Variants in ZNF593OS observed in about 807,000 individuals in gnomAD.
ZNF593OS encodes the protein transmembrane protein ZNF593OS.
rs966543869 is a variant in ZNF593OS, at chr1:26,171,005, T to C, written c.*184A>G. ...GTCTATCTCTGCCTTCCCTCTGAGG[T>C]CCTAGCATCTGAACTGGAGCACCCA... On this transcript the variant is annotated 3_prime_UTR_variant, in exon 2 of 2. Coordinates refer to ENST00000648649, the Ensembl canonical transcript of ZNF593OS. The surrounding 1 kb of genome is among the most constrained non-coding windows in gnomAD (Gnocchi z 5.5). 2 of 547,946 alleles carry C rather than the reference T, an allele frequency of 3.6e-6. No individual in the cohort carries two copies. The highest frequency in any genetic ancestry group is 3.7e-5 in the African/African-American group (2 of 53,344). 33.9% of individuals were successfully genotyped at this position (547,946 alleles called of 1,614,324 possible).
At chr1:26,170,113 C>T (rs1397545722), downstream of ZNF593OS, 11 of 1,570,066 alleles carry the variant, frequency 7.0e-6, no homozygotes, top group Non-Finnish European at 9.5e-6. Context: ...CGCACGACCC[C>T]AGCCCGACCC....
exon 2 of ZNF593OS, chr1:26,170,896 A>T: frequency 1.3e-6 from 1 of 775,964 alleles, no homozygotes; most frequent in Admixed American, 2.9e-5. Context: ...TCTAACTTCC[A>T]GGCCGCTGTC....
chr1:26,170,916 T>C, exon 2 of ZNF593OS: 1 of 684,248 alleles, frequency 1.5e-6, no homozygotes, highest in South Asian at 2.0e-5. Flanking sequence ...CTCAAACTCC[T>C]GCCCTGGAAG....
At chr1:26,170,568 C>T in exon 2 of ZNF593OS, 3 of 1,613,938 alleles carry the variant, frequency 1.9e-6, no homozygotes, top group Middle Eastern at 1.6e-4. Context: ...GTTTTTCTTT[C>T]TCCCAGGCTG....
At chr1:26,170,316 C>G, downstream of ZNF593OS, 1 of 1,531,772 alleles carries the variant, frequency 6.5e-7, no homozygotes, top group Non-Finnish European at 8.8e-7. Flanking sequence ...TCCCGTTTCT[C>G]AGACCCGGAT....
downstream of ZNF593OS, chr1:26,169,701 C>T (rs867143897): frequency 2.0e-5 from 10 of 492,286 alleles, no homozygotes; most frequent in Middle Eastern, 5.1e-4. Flanking sequence ...GCCCCGAAAC[C>T]CCCAGGCGCA....
At chr1:26,170,804 C>T (rs2088488743) in exon 2 of ZNF593OS, 1 of 1,510,346 alleles carries the variant, frequency 6.6e-7, no homozygotes, top group Non-Finnish European at 8.8e-7. Flanking sequence ...CCCCTTTTGC[C>T]TCTGGGTTTG....
chr1:26,170,037 G>A, downstream of ZNF593OS: 1 of 1,573,264 alleles, frequency 6.4e-7, no homozygotes, highest in Non-Finnish European at 8.6e-7. Context: ...TAGCCCGGCA[G>A]ATGAAGGCGA....
Position 26,171,682 on chromosome 1 carries a change from C to T in ZNF593OS, c.-21G>A. ...CGCATGGTGGGCGGCACTGGTCTCC[C>T]TGGCGGCCTGTAGGGTGGGAGCGGA... is the stretch of plus-strand genomic sequence containing the variant. On this transcript the variant is annotated 5_prime_UTR_variant, in exon 1 of 2. Coordinates refer to ENST00000648649, the Ensembl canonical transcript of ZNF593OS. This position sits in a 1 kb window ranked among gnomAD's most constrained non-coding sequence, Gnocchi z 5.5. The T allele has an allele frequency of 5.0e-6, 2 of 398,626 alleles. No homozygotes were observed. Among genetic ancestry groups the T allele is most frequent in the Non-Finnish European group, 4.4e-6 (1 of 226,082 alleles). 24.7% of individuals were successfully genotyped at this position (398,626 alleles called of 1,614,324 possible). A position where few individuals can be genotyped will look rare whatever the true frequency, so the allele number is the denominator to read the frequency against.
chr1:26,170,648 C>T (rs2088486719), exon 2 of ZNF593OS: 8 of 1,612,366 alleles, frequency 5.0e-6, no homozygotes, highest in East Asian at 2.2e-5. Context: ...ATCCTATGTG[C>T]CCCCCAGGCG....
downstream of ZNF593OS, chr1:26,170,184 G>C: frequency 1.3e-6 from 2 of 1,572,828 alleles, no homozygotes; most frequent in Non-Finnish European, 8.6e-7. Context: ...TGGCCTGCGC[G>C]TGAGTCCCGG....
chr1:26,169,687 G>A (rs979320386), downstream of ZNF593OS: 28 of 477,278 alleles, frequency 5.9e-5, no homozygotes, highest in Non-Finnish European at 9.6e-5. Context: ...AGGGCAGCAA[G>A]ACGGCCCCGA....
downstream of ZNF593OS, chr1:26,169,629 A>C: frequency 3.1e-6 from 1 of 322,782 alleles, no homozygotes; most frequent in Non-Finnish European, 5.6e-6. Context: ...AAGGGATGAC[A>C]GGAGTACAGG....
exon 2 of ZNF593OS, chr1:26,170,589 G>A: frequency 4.3e-6 from 7 of 1,613,854 alleles, no homozygotes; most frequent in Non-Finnish European, 5.9e-6. Flanking sequence ...AAGCAGCTGA[G>A]CGTCGAGCCC....
At chr1:26,169,628 CAGG>C, downstream of ZNF593OS, 1 of 323,298 alleles carries the variant, frequency 3.1e-6, no homozygotes, top group South Asian at 7.4e-5. Flanking sequence ...GAAGGGATGA[CAGG>C]AGTACAGGTT....
downstream of ZNF593OS, chr1:26,170,088 G>A: frequency 6.4e-7 from 1 of 1,572,016 alleles, no homozygotes; most frequent in African/African-American, 1.3e-5. Flanking sequence ...ACCGCGAGCT[G>A]CGGCCTCAGG....
exon 2 of ZNF593OS, chr1:26,170,966 C>G (rs527333099): frequency 1.0e-5 from 6 of 585,606 alleles, no homozygotes; most frequent in African/African-American, 3.7e-5. Context: ...CCTAGGGTGT[C>G]TACTCCCCAC....
At chr1:26,170,880 T>G (rs2124498174) in exon 2 of ZNF593OS, 1 of 884,306 alleles carries the variant, frequency 1.1e-6, no homozygotes, top group African/African-American at 1.7e-5. Flanking sequence ...AGAACTTGCC[T>G]CCAACTCTAA....
chr1:26,170,431 G>A (rs757730721), downstream of ZNF593OS: 5 of 1,613,814 alleles, frequency 3.1e-6, no homozygotes, highest in Admixed American at 1.7e-5. Context: ...GTACTTCATC[G>A]ATTCCACCAA....
Sources: allele counts gnomAD v4.1 joint callset, GRCh38; gene constraint gnomAD v4.1.1; non-coding constraint Gnocchi (gnomAD v3.1); transcripts MANE v1.5; gene names NCBI Gene and HGNC (gene_info 2026-07-23, HGNC 2026-07-21).